Variants in CTNND2 observed in about 807,000 individuals in gnomAD.
CTNND2 encodes the protein catenin delta 2, also known as catenin delta-2.
Under a neutral mutation model 144.4 loss-of-function variants are expected in CTNND2, and 22 were observed. The ratio of observed to expected loss-of-function variants is 0.15; its 90% CI spans 0.11 to 0.22. The LOEUF (loss-of-function observed/expected upper bound fraction) is 0.22, where lower values mean the gene tolerates loss of function less well. Ranked by LOEUF, CTNND2 falls within the 10% of genes least tolerant of loss-of-function variation. The pLI is 1.00. For missense variants in CTNND2, 1,353 were observed against 1,618.8 expected (o/e 0.84, Z 2.82); for synonymous variants, 751 against 695.6 (o/e 1.08, Z -1.25).
chr5:11,487,902 T>G (rs1316464288), intron 3 of CTNND2, among the ~76,000 whole-genome samples: 2 of 152,096 alleles, frequency 1.3e-5, no homozygotes, highest in Non-Finnish European at 2.9e-5. Context: ...GAGATCTAGT[T>G]GTTAAACATT....
intron 2 of CTNND2, among the ~76,000 whole-genome samples, chr5:11,602,453 C>A (rs1779840474): frequency 6.6e-6 from 1 of 151,564 alleles, no homozygotes; most frequent in Admixed American, 6.6e-5. Flanking sequence ...ACCCTCTTGG[C>A]AGTTGAAGCA....
At chr5:11,739,357 G>A (rs568491722) in intron 1 of CTNND2, among the ~76,000 whole-genome samples, 1 of 152,300 alleles carries the variant, frequency 6.6e-6, no homozygotes, top group South Asian at 2.1e-4. Flanking sequence ...GTGAGTCCAA[G>A]GGCTTGGCCT....
At chr5:11,370,953 G>A (rs1757420511) in intron 7 of CTNND2, among the ~76,000 whole-genome samples, 1 of 152,130 alleles carries the variant, frequency 6.6e-6, no homozygotes, top group Admixed American at 6.5e-5. Flanking sequence ...TAAAATTGAG[G>A]TTTTTAAAAA....
At position 11,423,877 on chromosome 5, in the gene CTNND2, T is replaced by A. The variant is rs549227550; in HGVS notation, c.288-11808A>T. On this transcript the variant is annotated intron_variant, in intron 3 of 21. Coordinates refer to ENST00000304623, the MANE Select transcript of CTNND2 (RefSeq NM_001332.4). ...TGAATAACCATTGCCGATTTCACAA[T>A]AAAGAAAAAATTTTTTTTTTGCTTT... is the stretch of plus-strand genomic sequence containing the variant. 5.9e-5 allele frequency among the ~76,000 whole-genome samples: 9 copies of A among 152,270 alleles called. 1 individual carries two copies. In the South Asian group the frequency reaches 1.2e-3, roughly 21 times the overall value.
At position 11,411,575 on chromosome 5, in the gene CTNND2, A is replaced by T; in HGVS notation, c.400T>A (p.Ser134Thr). Reference sequence around the variant, plus strand: ...TAATCCTGTGGGTCAAGTATTCCTGATTCCTGTAGTGACCTAATACAGGAG... The same window carrying T: ...TAATCCTGTGGGTCAAGTATTCCTGTTTCCTGTAGTGACCTAATACAGGAG... The part of the protein sequence containing the change: ...VDSCIRSLQE[S>T]GILDPQDYST... The change falls in exon 5 of 22, where the codon TCA becomes ACA. Residue 134 changes from serine (S) to threonine (T), a missense_variant. This residue lies in a region of CTNND2 where 708 missense variants were observed against 706.4 expected (regional missense o/e 1.00). Coordinates refer to ENST00000304623, the MANE Select transcript of CTNND2 (RefSeq NM_001332.4). 2 of 1,611,776 alleles carry T rather than the reference A, an allele frequency of 1.2e-6. No individual in the cohort carries two copies. Among genetic ancestry groups the T allele is most frequent in the Non-Finnish European group, 1.7e-6 (2 of 1,178,256 alleles).
chr5:11,207,397 A>G (rs1738161951), intron 10 of CTNND2, among the ~76,000 whole-genome samples: 1 of 152,192 alleles, frequency 6.6e-6, no homozygotes, highest in South Asian at 2.1e-4. Flanking sequence ...AAAAAAAAAA[A>G]AAGAATACAT....
chr5:11,103,342 C>A (rs1752105575), intron 14 of CTNND2, among the ~76,000 whole-genome samples: 1 of 151,920 alleles, frequency 6.6e-6, no homozygotes, highest in South Asian at 2.1e-4. Context: ...CCATTTGCTC[C>A]TTATATGAAG....
intron 1 of CTNND2, among the ~76,000 whole-genome samples, chr5:11,844,587 A>G (rs1160832882): frequency 1.3e-5 from 2 of 152,166 alleles, no homozygotes; most frequent in Non-Finnish European, 2.9e-5. Context: ...TAGTATTACA[A>G]AAAGTAACAC....
At chr5:11,405,538 C>G (rs1327033479) in intron 5 of CTNND2, among the ~76,000 whole-genome samples, 1 of 151,000 alleles carries the variant, frequency 6.6e-6, no homozygotes, top group Non-Finnish European at 1.5e-5. Context: ...GATGAGACTG[C>G]ACTATTGCAC....
chr5:11,542,046 T>C (rs1774808136), intron 3 of CTNND2, among the ~76,000 whole-genome samples: 1 of 151,990 alleles, frequency 6.6e-6, no homozygotes, highest in Admixed American at 6.6e-5. Context: ...CCCCTTCCTG[T>C]TGAAAAAGCA....
chr5:10,985,570 G>A (rs1483034216), intron 20 of CTNND2, among the ~76,000 whole-genome samples: 1 of 152,230 alleles, frequency 6.6e-6, no homozygotes, highest in African/African-American at 2.4e-5. Context: ...TTTTGGGGAT[G>A]AAGCTTCCCT....
At chr5:11,252,795 C>A (rs1743798263) in intron 9 of CTNND2, among the ~76,000 whole-genome samples, 2 of 152,192 alleles carry the variant, frequency 1.3e-5, no homozygotes, top group African/African-American at 4.8e-5. Context: ...TAAGCCACTG[C>A]AAGTTGGGCA....
At chr5:11,010,433 G>A (rs1561166326) in intron 18 of CTNND2, among the ~76,000 whole-genome samples, 1 of 152,054 alleles carries the variant, frequency 6.6e-6, no homozygotes, top group Non-Finnish European at 1.5e-5. Flanking sequence ...GTTTTTCCTC[G>A]ACAATATTTC....
At chr5:11,471,041 G>T (rs566564162) in intron 3 of CTNND2, among the ~76,000 whole-genome samples, 24 of 143,850 alleles carry the variant, frequency 1.7e-4, no homozygotes, top group African/African-American at 6.2e-4. Context: ...GCAGTGGCGC[G>T]ATCTCTGCTC....
At chr5:11,333,757 AAG>A (rs771251883) in intron 9 of CTNND2, among the ~76,000 whole-genome samples, 1 of 152,116 alleles carries the variant, frequency 6.6e-6, no homozygotes, top group Non-Finnish European at 1.5e-5. Flanking sequence ...ATTTGCTTGA[AAG>A]GGTTTGCTCA....
At chr5:11,901,831 C>G (rs1349555680) in intron 1 of CTNND2, among the ~76,000 whole-genome samples, 3 of 152,030 alleles carry the variant, frequency 2.0e-5, no homozygotes, top group Non-Finnish European at 4.4e-5. Flanking sequence ...ATCAACTAGT[C>G]CTTTAAAAAT....
At chr5:11,010,158 CTGT>C (rs1740928880) in intron 18 of CTNND2, among the ~76,000 whole-genome samples, 1 of 152,184 alleles carries the variant, frequency 6.6e-6, no homozygotes, top group Non-Finnish European at 1.5e-5. Context: ...TTCCAATAAT[CTGT>C]TGTTGAAGAA....
chr5:11,626,451 G>A (rs1486100721), intron 2 of CTNND2, among the ~76,000 whole-genome samples: 1 of 152,146 alleles, frequency 6.6e-6, no homozygotes, highest in Admixed American at 6.5e-5. Context: ...GAGATTCTAT[G>A]AAACACTATC....
chr5:11,517,041 A>G (rs1772225432), intron 3 of CTNND2, among the ~76,000 whole-genome samples: 2 of 152,206 alleles, frequency 1.3e-5, no homozygotes, highest in Admixed American at 6.5e-5. Context: ...TTACTTTCCA[A>G]TATCAATACA....
Sources: gnomAD v4.1 joint callset for allele counts (sites outside exome capture counted in the v4.1 genomes callset) on GRCh38, gnomAD v4.1.1 for gene constraint, gnomAD v4.1.1 regional missense constraint, MANE v1.5 for transcripts, NCBI Gene and HGNC (gene_info 2026-07-23, HGNC 2026-07-21) for gene names.